PRDM6: variants seen among roughly 807,000 people sequenced by gnomAD.
The protein encoded by PRDM6 is PR/SET domain 6, also known as putative histone-lysine N-methyltransferase PRDM6.
PRDM6 carries 25 observed loss-of-function variants against 60.8 expected under a neutral mutation model. The observed-to-expected ratio is 0.41, with a 90% CI of 0.30 to 0.57. The LOEUF (loss-of-function observed/expected upper bound fraction) is 0.57, where lower values mean the gene tolerates loss of function less well. PRDM6 is among the 20% of genes least tolerant of loss of function. The pLI, the probability that PRDM6 is intolerant of heterozygous loss-of-function variation, is 0.27. For synonymous variants in PRDM6, 407 were observed against 357.4 expected (o/e 1.14, Z -1.57); for missense variants, 839 against 821.3 (o/e 1.02, Z -0.26).
At chr5:123,139,614 A>G (rs757663624) in intron 3 of PRDM6, among the ~76,000 whole-genome samples, 24 of 152,058 alleles carry the variant, frequency 1.6e-4, no homozygotes, top group Non-Finnish European at 3.2e-4. Context: ...TATATGCTGA[A>G]CCAGTCCTCA....
At chr5:123,163,554 T>C (rs1765681771) in intron 5 of PRDM6, among the ~76,000 whole-genome samples, 1 of 152,160 alleles carries the variant, frequency 6.6e-6, no homozygotes, top group Admixed American at 6.5e-5. Context: ...ATTTTCTTTT[T>C]TAAAAAGTCG....
chr5:123,152,957 C>A lies in PRDM6; in HGVS notation c.901-2927C>A, dbSNP rs140966850. Among the ~76,000 whole-genome samples, 443 of 152,216 alleles carry A rather than the reference C, an allele frequency of 2.9e-3. 2 individuals are homozygous for A. The highest frequency in any genetic ancestry group is 0.01 in the African/African-American group (427 of 41,528). ...GAATTAGATTCAATACTGTTAAAAT[C>A]CGCTTAAACAGGTAAGAATTAGGTC... On this transcript the variant is annotated intron_variant, in intron 3 of 7. Coordinates refer to ENST00000407847, the MANE Select transcript of PRDM6 (RefSeq NM_001136239.4).
chr5:123,173,638 G>T (rs2126885959), intron 6 of PRDM6, among the ~76,000 whole-genome samples: 1 of 152,292 alleles, frequency 6.6e-6, no homozygotes, highest in South Asian at 2.1e-4. Flanking sequence ...CAAAAGATCA[G>T]TTCCTTTATA....
chr5:123,106,338 C>T (rs1440025265), intron 3 of PRDM6, among the ~76,000 whole-genome samples: 1 of 152,222 alleles, frequency 6.6e-6, no homozygotes, highest in Non-Finnish European at 1.5e-5. Context: ...CACACATTTG[C>T]TTCAGCGCAT....
At chr5:123,133,849 T>C (rs778470615) in intron 3 of PRDM6, among the ~76,000 whole-genome samples, 1 of 150,172 alleles carries the variant, frequency 6.7e-6, no homozygotes, top group Non-Finnish European at 1.5e-5. Context: ...AAAAGGAAAG[T>C]CTCTTCTTCC....
intron 5 of PRDM6, among the ~76,000 whole-genome samples, chr5:123,166,052 C>A (rs1247661945): frequency 1.3e-5 from 2 of 152,200 alleles, no homozygotes; most frequent in Non-Finnish European, 2.9e-5. Context: ...ACCGCCCCCA[C>A]CATCCTCTGT....
intron 3 of PRDM6, among the ~76,000 whole-genome samples, chr5:123,111,707 C>CAAAAAA (rs70988559): frequency 9.6e-6 from 1 of 103,812 alleles, no homozygotes; most frequent in African/African-American, 3.2e-5. Context: ...CAAAACAAAA[C>CAAAAAA]AAAAAAAAAA....
chr5:123,178,645 A>G (rs1766070189), intron 6 of PRDM6, among the ~76,000 whole-genome samples: 2 of 152,250 alleles, frequency 1.3e-5, no homozygotes, highest in Middle Eastern at 3.2e-3. Flanking sequence ...TTAAAATTGT[A>G]TAGTATTGAG....
At chr5:123,142,528 A>C (rs765900730) in intron 3 of PRDM6, among the ~76,000 whole-genome samples, 7 of 152,206 alleles carry the variant, frequency 4.6e-5, no homozygotes, top group Non-Finnish European at 8.8e-5. Flanking sequence ...AGCTAATTTA[A>C]TGTGATTATA....
chr5:123,094,957 G>T (rs1763925141), intron 2 of PRDM6, among the ~76,000 whole-genome samples: 1 of 152,252 alleles, frequency 6.6e-6, no homozygotes, highest in Admixed American at 6.5e-5. Context: ...CCAGGGTCAA[G>T]CCCGCAGCCA....
intron 3 of PRDM6, among the ~76,000 whole-genome samples, chr5:123,128,113 GC>G (rs1216039520): frequency 6.6e-6 from 1 of 152,114 alleles, no homozygotes; most frequent in Non-Finnish European, 1.5e-5. Context: ...CTTTTTAATG[GC>G]TGCACAGTAT....
intron 6 of PRDM6, among the ~76,000 whole-genome samples, chr5:123,179,942 G>A (rs984582169): frequency 1.3e-5 from 2 of 152,110 alleles, no homozygotes; most frequent in African/African-American, 4.8e-5. Flanking sequence ...GTATTCATTC[G>A]GGAATTGATG....
In PRDM6 at chr5:123,138,671, G is replaced by A. The variant is rs78888632; in HGVS notation, c.901-17213G>A. ...TTTTTATATATCACATCTGTAAAAA[G>A]CAAAGCAAACATAATCATAGAATTT... is the stretch of plus-strand genomic sequence containing the variant. On this transcript the variant is annotated intron_variant, in intron 3 of 7. Transcript: ENST00000407847. Among the ~76,000 whole-genome samples the A allele has an allele frequency of 8.4e-3, 1,277 of 152,190 alleles. 26 individuals are homozygous for A. The highest frequency in any genetic ancestry group is 0.029 in the African/African-American group (1,215 of 41,518).
At chr5:123,175,289 A>G (rs141258676) in intron 6 of PRDM6, among the ~76,000 whole-genome samples, 1,686 of 152,148 alleles carry the variant, frequency 0.011, 8 homozygotes, top group Non-Finnish European at 0.016. Context: ...TTTGTGCCAC[A>G]TGGGGCAAGT....
intron 5 of PRDM6, among the ~76,000 whole-genome samples, chr5:123,160,102 C>T (rs1379431815): frequency 6.6e-6 from 1 of 152,166 alleles, no homozygotes; most frequent in African/African-American, 2.4e-5. Context: ...ATTGGGTGTG[C>T]TTCCTCCTAC....
chr5:123,164,569 TAGA>T (rs1361233186), intron 5 of PRDM6, among the ~76,000 whole-genome samples: 1 of 152,224 alleles, frequency 6.6e-6, no homozygotes, highest in Non-Finnish European at 1.5e-5. Flanking sequence ...TGTAGGTTCC[TAGA>T]AGAAGAAAGA....
In PRDM6 at chr5:123,090,232, C is replaced by T. The variant is rs1162600215; in HGVS notation, c.218C>T (p.Pro73Leu). 2.0e-6 allele frequency: 3 copies of T among 1,477,044 alleles called. No individual in the cohort carries two copies. The highest frequency in any genetic ancestry group is 3.0e-5 in the East Asian group (1 of 32,968). The allele number at this position is 1,477,044 out of a possible 1,614,324, so 91.5% of individuals were successfully genotyped here. Residue 73 changes from proline (P) to leucine (L), a missense_variant, in exon 2 of 8, where the codon CCC becomes CTC. By Grantham distance (98) the Pro-to-Leu change is moderately conservative (BLOSUM62 -3). Transcript: ENST00000407847. ...EPPPDSLRPRPASLSSASSTP... is the reference protein window; with the variant it reads ...EPPPDSLRPRLASLSSASSTP... ...CCGCCGGACAGCCTGCGCCCGCGGCCCGCCTCTCTCTCCTCCGCCTCGTCC... is the reference window on the plus strand; with the variant it reads ...CCGCCGGACAGCCTGCGCCCGCGGCTCGCCTCTCTCTCCTCCGCCTCGTCC...
intron 3 of PRDM6, among the ~76,000 whole-genome samples, chr5:123,118,283 T>G (rs902220135): frequency 6.6e-6 from 1 of 152,226 alleles, no homozygotes; most frequent in Non-Finnish European, 1.5e-5. Flanking sequence ...GCAAGTTGTT[T>G]TGTTTAGAAG....
intron 3 of PRDM6, 116 bp downstream of exon 3, chr5:123,100,077 TGGCCCCCAGAGGG>T (rs2150208037): frequency 9.0e-7 from 1 of 1,115,426 alleles, no homozygotes; most frequent in East Asian, 2.7e-5. Context: ...GAGCCTCCCT[TGGCCCCCAGAGGG>T]TAGCGGAGAA....
Sources: allele counts gnomAD v4.1 joint callset (sites outside exome capture counted in the v4.1 genomes callset), GRCh38; gene constraint gnomAD v4.1.1; transcripts MANE v1.5; gene names NCBI Gene and HGNC (gene_info 2026-07-23, HGNC 2026-07-21).